IRAG2: variants seen among roughly 807,000 people sequenced by gnomAD.
IRAG2 encodes the protein lymphoid restricted membrane protein.
Under a neutral mutation model 69.9 loss-of-function variants are expected in IRAG2, and 45 were observed. The observed-to-expected ratio is 0.64, with a 90% CI of 0.51 to 0.83. IRAG2 has a LOEUF of 0.83. Ranked by LOEUF, IRAG2 falls within the 40% of genes least tolerant of loss-of-function variation. IRAG2 has a pLI of 0.00. For synonymous variants in IRAG2, 193 were observed against 202.4 expected (o/e 0.95, Z 0.40); for missense variants, 520 against 587.0 (o/e 0.89, Z 1.18).
intron 1 of IRAG2, among the ~76,000 whole-genome samples, chr12:25,057,183 G>A (rs901739367): frequency 1.3e-5 from 2 of 149,070 alleles, no homozygotes; most frequent in South Asian, 2.1e-4. Flanking sequence ...AAGTGTGTTT[G>A]TTAGTACTCT....
intron 6 of IRAG2, among the ~76,000 whole-genome samples, chr12:25,071,109 T>C (rs928896208): frequency 6.6e-6 from 1 of 152,140 alleles, no homozygotes; most frequent in Non-Finnish European, 1.5e-5. Flanking sequence ...ATTTTGCTCT[T>C]ACCTAGAGGC....
intron 1 of IRAG2, among the ~76,000 whole-genome samples, chr12:25,055,253 C>A (rs1337995154): frequency 6.6e-6 from 1 of 152,158 alleles, no homozygotes; most frequent in Non-Finnish European, 1.5e-5. Flanking sequence ...TGATATTGTT[C>A]AAGTTTTCAA....
intron 6 of IRAG2, 115 bp downstream of exon 6, chr12:25,069,546 G>A (rs1261487369): frequency 5.5e-6 from 5 of 915,348 alleles, no homozygotes; most frequent in East Asian, 5.1e-5. Flanking sequence ...GGATATTCTT[G>A]TAGCAAGTCT....
intron 3 of IRAG2, among the ~76,000 whole-genome samples, chr12:25,013,065 C>A (rs1319519304): frequency 1.3e-5 from 2 of 152,140 alleles, no homozygotes; most frequent in Non-Finnish European, 2.9e-5. Context: ...GACTCTAGCC[C>A]ATGTGGTGGA....
intron 3 of IRAG2, among the ~76,000 whole-genome samples, chr12:25,012,737 A>G (rs1045353880): frequency 1.3e-5 from 2 of 152,002 alleles, no homozygotes; most frequent in Admixed American, 6.6e-5. Context: ...CTGAGGCGGG[A>G]GAATTGCTTG....
intron 10 of IRAG2, among the ~76,000 whole-genome samples, chr12:25,031,750 C>T (rs1212691625): frequency 6.6e-6 from 1 of 152,150 alleles, no homozygotes; most frequent in African/African-American, 2.4e-5. Context: ...ACAACCTCCA[C>T]CTCCTGGATT....
chr12:25,100,000 G>GAAAAAA (rs56728551), intron 15 of IRAG2, among the ~76,000 whole-genome samples: 4 of 25,674 alleles, frequency 1.6e-4, no homozygotes, highest in East Asian at 1.8e-3. Context: ...GACTCCATCT[G>GAAAAAA]AAAAAAAAAA....
chr12:25,048,906 T>G (rs1035954994), upstream of IRAG2, among the ~76,000 whole-genome samples: 1 of 152,224 alleles, frequency 6.6e-6, no homozygotes, highest in Non-Finnish European at 1.5e-5. Flanking sequence ...GTTTTACACT[T>G]AGTCTTTAAT....
chr12:25,056,892 C>T (rs533229820), intron 1 of IRAG2, among the ~76,000 whole-genome samples: 1 of 152,282 alleles, frequency 6.6e-6, no homozygotes, highest in South Asian at 2.1e-4. Context: ...ACCTGGGCCT[C>T]CCTCCCCAGA....
chr12:25,064,279 C>CA (rs1408767715), intron 4 of IRAG2, among the ~76,000 whole-genome samples: 2 of 151,468 alleles, frequency 1.3e-5, no homozygotes, highest in African/African-American at 4.9e-5. Flanking sequence ...CAAAAAACAT[C>CA]AAAAAAGTAT....
At chr12:25,050,204 G>A (rs11613116), upstream of IRAG2, among the ~76,000 whole-genome samples, 12 of 151,740 alleles carry the variant, frequency 7.9e-5, no homozygotes, top group Non-Finnish European at 1.5e-4. Context: ...GTGCACAGTT[G>A]GGGGAATGGA....
chr12:25,022,911 G>C (rs1421476704), intron 7 of IRAG2, among the ~76,000 whole-genome samples: 1 of 152,058 alleles, frequency 6.6e-6, no homozygotes, highest in Non-Finnish European at 1.5e-5. Flanking sequence ...AGATCACCTG[G>C]GGTCAGGAGT....
chr12:25,007,252 T>G (rs771058891), intron 2 of IRAG2, among the ~76,000 whole-genome samples: 14 of 152,222 alleles, frequency 9.2e-5, no homozygotes, highest in Admixed American at 2.6e-4. Flanking sequence ...TCAGTACATA[T>G]TTCTAAAAGA....
upstream of IRAG2, among the ~76,000 whole-genome samples, chr12:25,050,483 C>A (rs1056087486): frequency 2.8e-4 from 38 of 136,456 alleles, no homozygotes; most frequent in Non-Finnish European, 4.6e-5. Context: ...GAGCTGAGAT[C>A]GCGCCAGTGC....
chr12:25,012,139 A>C, intron 3 of IRAG2, among the ~76,000 whole-genome samples: 1 of 129,916 alleles, frequency 7.7e-6, no homozygotes, highest in Non-Finnish European at 1.6e-5. Context: ...CAGAAAGCGA[A>C]TTCCCTTTTT....
In IRAG2 at chr12:25,052,882, G is replaced by A. The variant is rs553976881; in HGVS notation, c.-521G>A. ...TTAGAGGAAGCAATTTCGGAACAACGGAACCTTCAAACTATAAATACTGAA... is the reference window on the plus strand; with the variant it reads ...TTAGAGGAAGCAATTTCGGAACAACAGAACCTTCAAACTATAAATACTGAA... On this transcript the variant is annotated 5_prime_UTR_variant, in exon 1 of 22. Coordinates refer to ENST00000556887, the MANE Select transcript of IRAG2 (RefSeq NM_001366544.2). 2.3e-5 allele frequency: 9 copies of A among 398,514 alleles called. No homozygotes were observed. The highest frequency in any genetic ancestry group is 8.8e-5 in the Admixed American group (2 of 22,720). The allele number at this position is 398,514 out of a possible 1,614,324, so 24.7% of individuals were successfully genotyped here. A position where few individuals can be genotyped will look rare whatever the true frequency, so the allele number is the denominator to read the frequency against.
At chr12:25,014,790 A>G (rs1369220708) in intron 3 of IRAG2, among the ~76,000 whole-genome samples, 1 of 151,886 alleles carries the variant, frequency 6.6e-6, no homozygotes, top group African/African-American at 2.4e-5. Flanking sequence ...TGCAACCTCC[A>G]CAAGTCTCCA....
intron 2 of IRAG2, among the ~76,000 whole-genome samples, chr12:25,007,666 C>A (rs969910234): frequency 6.6e-6 from 1 of 152,090 alleles, no homozygotes; most frequent in Non-Finnish European, 1.5e-5. Context: ...GGATTACAGG[C>A]GCCCACCACT....
chr12:25,024,449 CAAAG>C (rs945110466), intron 8 of IRAG2, among the ~76,000 whole-genome samples: 2 of 152,002 alleles, frequency 1.3e-5, no homozygotes, highest in South Asian at 2.1e-4. Context: ...AGTATAATCT[CAAAG>C]AAAAAGAATA....
Sources: gnomAD v4.1 joint callset for allele counts (sites outside exome capture counted in the v4.1 genomes callset) on GRCh38, gnomAD v4.1.1 for gene constraint, MANE v1.5 for transcripts, NCBI Gene and HGNC (gene_info 2026-07-23, HGNC 2026-07-21) for gene names.